Variants in EPHA6 observed in about 807,000 individuals in gnomAD.
The protein encoded by EPHA6 is ephrin type-A receptor 6.
In EPHA6, 50 loss-of-function variants were observed where a neutral mutation model predicts 112.0. The observed-to-expected ratio is 0.45, with a 90% CI of 0.36 to 0.56. EPHA6 has a LOEUF of 0.56. Ranked by LOEUF, EPHA6 falls within the 20% of genes least tolerant of loss-of-function variation. The pLI, the probability that EPHA6 is intolerant of heterozygous loss-of-function variation, is 0.00. For missense variants in EPHA6, 1,280 were observed against 1,417.4 expected, an observed-to-expected ratio of 0.90 and a Z score of 1.56; for synonymous variants, 529 against 490.7, an observed-to-expected ratio of 1.08 and a Z score of -1.03.
At chr3:97,701,244 A>T (rs2033368713) in intron 14 of EPHA6, among the ~76,000 whole-genome samples, 1 of 152,168 alleles carries the variant, frequency 6.6e-6, no homozygotes, top group Non-Finnish European at 1.5e-5. Context: ...GCAGGAGCTA[A>T]TAGACAAAAG....
chr3:97,649,454 TAGC>T (rs1465843349), intron 14 of EPHA6, among the ~76,000 whole-genome samples: 1 of 151,922 alleles, frequency 6.6e-6, no homozygotes, highest in Non-Finnish European at 1.5e-5. Flanking sequence ...AAGCTACATA[TAGC>T]AGCATATATA....
At chr3:97,292,425 A>G (rs2108688148) in intron 5 of EPHA6, among the ~76,000 whole-genome samples, 1 of 152,390 alleles carries the variant, frequency 6.6e-6, no homozygotes. Flanking sequence ...GGAATGAGGT[A>G]TGTGGACAAG....
At chr3:96,833,973 A>G (rs2034246935) in intron 1 of EPHA6, among the ~76,000 whole-genome samples, 1 of 152,066 alleles carries the variant, frequency 6.6e-6, no homozygotes, top group African/African-American at 2.4e-5. Flanking sequence ...ACAACAAAAG[A>G]AACAGTAATA....
chr3:97,118,241 T>C (rs1393804905), intron 3 of EPHA6, among the ~76,000 whole-genome samples: 2 of 151,998 alleles, frequency 1.3e-5, no homozygotes, highest in Admixed American at 1.3e-4. Context: ...GAATGCTATA[T>C]AATCTGTGTG....
chr3:97,217,050 G>A lies in EPHA6; in HGVS notation c.1115-9214G>A, dbSNP rs138948143. On this transcript the variant is annotated intron_variant, in intron 3 of 17. Transcript: ENST00000389672. ...AACCAAGAGATAGTAATTAAAAGAGGAAAGCCCTACAATTTCCCCAACTTA... is the reference window on the plus strand; with the variant it reads ...AACCAAGAGATAGTAATTAAAAGAGAAAAGCCCTACAATTTCCCCAACTTA... Among the ~76,000 whole-genome samples the A allele has an allele frequency of 1.1e-3, 173 of 152,234 alleles. 2 individuals carry two copies. Among genetic ancestry groups the A allele is most frequent in the African/African-American group, 3.9e-3 (162 of 41,554 alleles).
chr3:97,623,135 T>C (rs2093827544), intron 13 of EPHA6, among the ~76,000 whole-genome samples: 1 of 151,814 alleles, frequency 6.6e-6, no homozygotes, highest in African/African-American at 2.4e-5. Context: ...GTTTTTTCTT[T>C]TGTTGCCTGT....
At chr3:97,712,668 A>G (rs1298323113) in intron 14 of EPHA6, among the ~76,000 whole-genome samples, 12 of 152,230 alleles carry the variant, frequency 7.9e-5, no homozygotes, top group Admixed American at 7.9e-4. Flanking sequence ...CTATGTTCTC[A>G]GTGAAAGAGA....
chr3:97,100,782 T>C (rs2047381409), intron 3 of EPHA6, among the ~76,000 whole-genome samples: 2 of 152,146 alleles, frequency 1.3e-5, no homozygotes, highest in East Asian at 1.9e-4. Flanking sequence ...CATTTTCACT[T>C]GTTTGGGCTA....
intron 3 of EPHA6, among the ~76,000 whole-genome samples, chr3:97,071,700 G>A (rs1193129705): frequency 1.3e-5 from 2 of 152,118 alleles, no homozygotes; most frequent in East Asian, 3.9e-4. Context: ...AGATTTGGGT[G>A]GGGACACAGC....
intron 11 of EPHA6, among the ~76,000 whole-genome samples, chr3:97,577,654 C>G (rs2093399561): frequency 6.6e-6 from 1 of 152,210 alleles, no homozygotes; most frequent in African/African-American, 2.4e-5. Flanking sequence ...CAAGGTACCT[C>G]ATGACATAAC....
intron 7 of EPHA6, among the ~76,000 whole-genome samples, chr3:97,455,149 A>G (rs1316847873): frequency 6.6e-6 from 1 of 151,944 alleles, no homozygotes; most frequent in Non-Finnish European, 1.5e-5. Flanking sequence ...CTAATTGGGA[A>G]CCTGTTTAGC....
chr3:97,040,865 A>G (rs1438853591), intron 3 of EPHA6, among the ~76,000 whole-genome samples: 1 of 152,028 alleles, frequency 6.6e-6, no homozygotes, highest in East Asian at 1.9e-4. Flanking sequence ...AAATATTGTT[A>G]ATTCTGATGT....
chr3:97,393,966 C>A (rs2086563069), intron 5 of EPHA6, among the ~76,000 whole-genome samples: 1 of 151,598 alleles, frequency 6.6e-6, no homozygotes, highest in Admixed American at 6.6e-5. Context: ...TTTATCTATT[C>A]ATTTATTGAT....
At position 97,323,446 on chromosome 3, in the gene EPHA6, G is replaced by A. The variant is rs1267570015; in HGVS notation, c.1606+79159G>A. Among the ~76,000 whole-genome samples, 3 of 151,816 alleles carry A rather than the reference G, an allele frequency of 2.0e-5. No individual in the cohort carries two copies. The East Asian group carries it at 5.8e-4, about 29-fold the overall frequency. ...ATATACTTGAGAATGAGGGATGGAA[G>A]AATATTAGGGGGGATGGGTGGATAC... On this transcript the variant is annotated intron_variant, in intron 5 of 17. Transcript: ENST00000389672.
intron 11 of EPHA6, chr3:97,559,444 T>G (rs1172360824): frequency 3.3e-6 from 1 of 305,314 alleles, no homozygotes; most frequent in Non-Finnish European, 6.5e-6. Context: ...GAAAAACAGT[T>G]GGGAGCCACT....
chr3:97,557,929 G>A (rs2107139559), intron 11 of EPHA6, among the ~76,000 whole-genome samples: 2 of 151,642 alleles, frequency 1.3e-5, no homozygotes, highest in South Asian at 4.2e-4. Context: ...CTATTCTTTA[G>A]CTATATTTGC....
intron 3 of EPHA6, among the ~76,000 whole-genome samples, chr3:97,224,012 A>G (rs756135205): frequency 1.3e-5 from 2 of 152,158 alleles, no homozygotes; most frequent in African/African-American, 2.4e-5. Context: ...AAGTACATAC[A>G]GGATTTCAAA....
At position 97,761,041 on chromosome 3, in the gene EPHA6, T is replaced by C. The variant is rs1418432400; in HGVS notation, c.*12340T>C. 1 of 208,668 alleles carries C rather than the reference T, an allele frequency of 4.8e-6. No homozygotes were observed. The highest frequency in any genetic ancestry group is 7.2e-5 in the East Asian group (1 of 13,940). The allele number at this position is 208,668 out of a possible 1,614,324, so 12.9% of individuals were successfully genotyped here. A position where few individuals can be genotyped will look rare whatever the true frequency, so the allele number is the denominator to read the frequency against. Reference sequence around the variant, plus strand: ...TTCCACTCAGGTTCCTGACACAGCCTACATTCTCTTTTCTGGTTATAATCA... The same window carrying C: ...TTCCACTCAGGTTCCTGACACAGCCCACATTCTCTTTTCTGGTTATAATCA... On this transcript the variant is annotated 3_prime_UTR_variant, in exon 18 of 18. Transcript: ENST00000389672.
rs1216447006 is a variant in EPHA6 at position 97,520,002 on chromosome 3, CTG to C, written c.2201-12354_2201-12353del. On this transcript the variant is annotated intron_variant, in intron 10 of 17. Transcript: ENST00000389672. ...TTTTTTTTTGAGACAGAGTCTTGCT[CTG>C]TTGCCCAGGCTGGAGTGCAGTGGTA... Among the ~76,000 whole-genome samples, 3 of 143,434 alleles carry C rather than the reference CTG, an allele frequency of 2.1e-5. No homozygotes were observed. In the East Asian group the frequency reaches 6.1e-4, roughly 29 times the overall value. The allele number at this position is 143,434 out of a possible 152,430, so 94.1% of individuals were successfully genotyped here.
Sources: gnomAD v4.1 joint callset for allele counts (sites outside exome capture counted in the v4.1 genomes callset) on GRCh38, gnomAD v4.1.1 for gene constraint, MANE v1.5 for transcripts, NCBI Gene and HGNC (gene_info 2026-07-23, HGNC 2026-07-21) for gene names.